Variants in ZNG1A observed in about 807,000 individuals in gnomAD.
ZNG1A encodes Zn regulated GTPase metalloprotein activator 1A, also known as zinc-regulated GTPase metalloprotein activator 1A.
At chr9:135,311 A>G in the ZNG1A span, among the ~76,000 whole-genome samples, 1 of 145,732 alleles carries the variant, frequency 6.9e-6, no homozygotes, top group African/African-American at 2.6e-5. Flanking sequence ...GTATGGTTAA[A>G]TATGTCAGTA....
At chr9:145,112 G>A in the ZNG1A span, among the ~76,000 whole-genome samples, 3 of 147,144 alleles carry the variant, frequency 2.0e-5, no homozygotes, top group Non-Finnish European at 3.0e-5. Context: ...CTGTAAACTA[G>A]TTCAACCATT....
the ZNG1A span, among the ~76,000 whole-genome samples, chr9:155,704 A>G: frequency 6.6e-6 from 1 of 152,154 alleles, no homozygotes; most frequent in East Asian, 1.9e-4. Flanking sequence ...CTGAAAGAGC[A>G]GGTTTCAACA....
At chr9:131,419 A>G in the ZNG1A span, among the ~76,000 whole-genome samples, 1 of 150,652 alleles carries the variant, frequency 6.6e-6, no homozygotes, top group East Asian at 1.9e-4. Context: ...CTAGCATACA[A>G]TAACTTTTAT....
At chr9:130,128 A>G in the ZNG1A span, among the ~76,000 whole-genome samples, 1 of 151,146 alleles carries the variant, frequency 6.6e-6, no homozygotes, top group Non-Finnish European at 1.5e-5. Flanking sequence ...GTGCATGACT[A>G]TACTTATTTT....
chr9:151,365 G>C, the ZNG1A span: 7 of 978,492 alleles, frequency 7.2e-6, no homozygotes, highest in African/African-American at 1.9e-5. Context: ...AGTGGAACTA[G>C]ACTGCCAGCT....
At chr9:121,522 G>C in the ZNG1A span, 2 of 1,611,264 alleles carry the variant, frequency 1.2e-6, no homozygotes, top group South Asian at 2.2e-5. Flanking sequence ...TTCTGTTTCT[G>C]TCACAGTAGC....
chr9:141,424 T>G, the ZNG1A span, among the ~76,000 whole-genome samples: 4 of 150,062 alleles, frequency 2.7e-5, no homozygotes, highest in East Asian at 7.9e-4. Context: ...ACCCAGAATT[T>G]CATATCCAGC....
At chr9:170,572 G>T in the ZNG1A span, among the ~76,000 whole-genome samples, 1 of 150,206 alleles carries the variant, frequency 6.7e-6, no homozygotes, top group Middle Eastern at 3.4e-3. Flanking sequence ...TTTCAGTAGA[G>T]ACTGGATTTC....
At chr9:147,070 C>G in the ZNG1A span, 2 of 150,286 alleles carry the variant, frequency 1.3e-5, no homozygotes, top group African/African-American at 4.9e-5. Context: ...CCCAGCTACT[C>G]AGGAGGCTGC....
chr9:140,490 A>T, the ZNG1A span, among the ~76,000 whole-genome samples: 2 of 151,714 alleles, frequency 1.3e-5, no homozygotes, highest in Non-Finnish European at 2.9e-5. Flanking sequence ...CAGAAAGGAC[A>T]TCCACACCAA....
chr9:172,034 A>G, the ZNG1A span: 5 of 1,609,078 alleles, frequency 3.1e-6, no homozygotes, highest in East Asian at 6.7e-5. Flanking sequence ...TCTATTTACA[A>G]TATATCACAG....
chr9:157,779 A>T, the ZNG1A span, among the ~76,000 whole-genome samples: 4 of 146,784 alleles, frequency 2.7e-5, no homozygotes, highest in Non-Finnish European at 4.5e-5. Context: ...ATCATATATC[A>T]GAGCCAAACC....
the ZNG1A span, among the ~76,000 whole-genome samples, chr9:156,795 T>C: frequency 6.6e-6 from 1 of 151,662 alleles, no homozygotes; most frequent in Non-Finnish European, 1.5e-5. Flanking sequence ...TTTCTTTTAC[T>C]TAAAAGGAAA....
At chr9:162,488 T>C in the ZNG1A span, 14 of 1,554,722 alleles carry the variant, frequency 9.0e-6, no homozygotes, top group Non-Finnish European at 1.1e-5. Context: ...GAAAAAACAT[T>C]TTAATCACTT....
At chr9:129,723 G>C in the ZNG1A span, among the ~76,000 whole-genome samples, 1 of 150,604 alleles carries the variant, frequency 6.6e-6, no homozygotes, top group Non-Finnish European at 1.5e-5. Context: ...AAGATGAAAA[G>C]GTCCAGAGGT....
At chr9:178,295 C>T in the ZNG1A span, among the ~76,000 whole-genome samples, 1 of 151,484 alleles carries the variant, frequency 6.6e-6, no homozygotes. Flanking sequence ...ACAAACAGAC[C>T]TCAAAAAAAA....
At chr9:139,904 C>T in the ZNG1A span, among the ~76,000 whole-genome samples, 40 of 150,136 alleles carry the variant, frequency 2.7e-4, no homozygotes, top group Middle Eastern at 6.8e-3. Context: ...GGGTGACAGA[C>T]GGCACCTGGA....
the ZNG1A span, among the ~76,000 whole-genome samples, chr9:140,423 G>A: frequency 2.0e-5 from 3 of 151,024 alleles, no homozygotes; most frequent in African/African-American, 7.4e-5. Context: ...CACACGGCCG[G>A]GTACTCCAAC....
At chr9:160,010 G>A in the ZNG1A span, 10 of 453,022 alleles carry the variant, frequency 2.2e-5, no homozygotes, top group East Asian at 7.0e-5. Context: ...CCTTCTCTGG[G>A]TAACTTCATT....
Sources: allele counts gnomAD v4.1 joint callset (sites outside exome capture counted in the v4.1 genomes callset), GRCh38; gene constraint gnomAD v4.1.1; transcripts MANE v1.5; gene names NCBI Gene and HGNC (gene_info 2026-07-23, HGNC 2026-07-21).